NFATC1: variants seen among roughly 807,000 people sequenced by gnomAD.
The protein encoded by NFATC1 is nuclear factor of activated T cells 1, also known as nuclear factor of activated T-cells, cytoplasmic 1.
Under a neutral mutation model 76.0 loss-of-function variants are expected in NFATC1, and 22 were observed. The ratio of observed to expected loss-of-function variants is 0.29; its 90% confidence interval spans 0.21 to 0.41. NFATC1 has a LOEUF of 0.41. Among genes scored for constraint, NFATC1 ranks in the 10% least tolerant of loss-of-function variants. NFATC1 has a pLI of 1.00. For missense variants in NFATC1, 1,357 were observed against 1,337.7 expected (o/e 1.01, Z -0.23); for synonymous variants, 704 against 613.1 (o/e 1.15, Z -2.19).
At chr18:79,520,532 G>GT (rs200223868) in intron 9 of NFATC1, among the ~76,000 whole-genome samples, 3,752 of 142,016 alleles carry the variant, frequency 0.026, 88 homozygotes, top group Admixed American at 0.05. Context: ...CTCTGTGTGT[G>GT]GGGGGGGGAG....
At chr18:79,483,633 G>GGCGTGACCTGGTCCTGGGGTGTAATTCCA (rs1569018304) in intron 8 of NFATC1, among the ~76,000 whole-genome samples, 1 of 134,488 alleles carries the variant, frequency 7.4e-6, no homozygotes, top group Admixed American at 7.3e-5. Context: ...GCGTCACTCT[G>GGCGTGACCTGGTCCTGGGGTGTAATTCCA]GCGTGACCTG....
chr18:79,455,913 G>A (rs999333076), intron 6 of NFATC1, among the ~76,000 whole-genome samples: 3 of 152,198 alleles, frequency 2.0e-5, no homozygotes, highest in Non-Finnish European at 2.9e-5. Context: ...CCACACAGCA[G>A]CAGGCGGAGG....
Position 79,411,239 on chromosome 18 carries a change from G to C in NFATC1, c.964G>C (p.Asp322His). The stretch of plus-strand genomic sequence containing the variant: ...GGCCGCCATCAACGCGCTGACCACC[G>C]ACAGCAGCCTGGACCTGGGAGATGG... ...IVAAINALTT[D>H]SSLDLGDGVP... The change falls in exon 2 of 10, where the codon GAC (aspartate) becomes CAC (histidine). Residue 322 changes from aspartate to histidine, a missense_variant. By Grantham distance (81) the Asp-to-His change is moderately conservative. Transcript: ENST00000427363. The C allele has an allele frequency of 6.2e-7, 1 of 1,603,924 alleles. No individual in the cohort carries two copies. Among genetic ancestry groups the C allele is most frequent in the Middle Eastern group, 1.6e-4 (1 of 6,062 alleles).
intron 2 of NFATC1, among the ~76,000 whole-genome samples, chr18:79,412,560 G>A (rs1216907181): frequency 6.6e-6 from 1 of 152,186 alleles, no homozygotes; most frequent in Non-Finnish European, 1.5e-5. Context: ...AGGAAGGCAG[G>A]CAGTGAGGGT....
At chr18:79,408,255 G>C (rs1204835926) in intron 1 of NFATC1, among the ~76,000 whole-genome samples, 1 of 152,208 alleles carries the variant, frequency 6.6e-6, no homozygotes, top group Admixed American at 6.5e-5. Context: ...CTTGAATAAA[G>C]TATCTTCCAG....
chr18:79,503,219 G>A (rs1232009771), intron 9 of NFATC1, among the ~76,000 whole-genome samples: 1 of 152,214 alleles, frequency 6.6e-6, no homozygotes, highest in Non-Finnish European at 1.5e-5. Context: ...CGAGACCACA[G>A]ACTCAGTGGC....
Position 79,506,352 on chromosome 18 carries a change from C to T in NFATC1, c.2782+19415C>T, listed in dbSNP as rs1046539664. Among the ~76,000 whole-genome samples the T allele has an allele frequency of 3.9e-5, 6 of 152,262 alleles. No individual in the cohort carries two copies. In the South Asian group the frequency reaches 8.3e-4, roughly 21 times the overall value. On this transcript the variant is annotated intron_variant, in intron 9 of 9. Transcript: ENST00000427363. ...CCCCAGCAAAGACACTGGGACTGTG[C>T]GCCTTGTCCCCCCATCTTCCCACCT...
chr18:79,399,370 G>A (rs1383263778), intron 1 of NFATC1, among the ~76,000 whole-genome samples: 4 of 152,234 alleles, frequency 2.6e-5, no homozygotes, highest in African/African-American at 7.2e-5. Flanking sequence ...CAGAGGGAGC[G>A]CTCCGAGGAG....
At chr18:79,481,377 C>T (rs183732899) in intron 8 of NFATC1, among the ~76,000 whole-genome samples, 1 of 152,316 alleles carries the variant, frequency 6.6e-6, no homozygotes, top group African/African-American at 2.4e-5. Context: ...TCCTGCCACC[C>T]CTTCAAAAAA....
chr18:79,420,543 GA>G (rs1353872559), intron 2 of NFATC1, among the ~76,000 whole-genome samples: 2 of 151,978 alleles, frequency 1.3e-5, no homozygotes, highest in African/African-American at 4.8e-5. Context: ...CAAAGAGGAA[GA>G]GGGGGATGCG....
chr18:79,510,325 A>T (rs1013950397), intron 9 of NFATC1, among the ~76,000 whole-genome samples: 1 of 151,334 alleles, frequency 6.6e-6, no homozygotes, highest in South Asian at 2.1e-4. Flanking sequence ...CTTTAGGGCT[A>T]AAAAAAAACC....
At chr18:79,456,789 G>C (rs936414540) in intron 6 of NFATC1, among the ~76,000 whole-genome samples, 1 of 152,200 alleles carries the variant, frequency 6.6e-6, no homozygotes, top group Non-Finnish European at 1.5e-5. Context: ...ATGGACCCGG[G>C]GGATGGCTGC....
chr18:79,467,726 C>A, intron 8 of NFATC1, 144 bp downstream of exon 8: 1 of 1,294,596 alleles, frequency 7.7e-7, no homozygotes, highest in Non-Finnish European at 9.8e-7. Context: ...ACCGAGCCAT[C>A]GATGCCCTGA....
intron 9 of NFATC1, among the ~76,000 whole-genome samples, chr18:79,509,456 G>A (rs1167937862): frequency 6.6e-6 from 1 of 152,224 alleles, no homozygotes; most frequent in Non-Finnish European, 1.5e-5. Context: ...TGCAGAGGGC[G>A]TGGGAGGAGA....
At chr18:79,482,693 A>G (rs1276598379) in intron 8 of NFATC1, among the ~76,000 whole-genome samples, 87 of 73,120 alleles carry the variant, frequency 1.2e-3, no homozygotes, top group South Asian at 3.1e-3. Flanking sequence ...TAATTCCAGC[A>G]TGACCTGGTT....
At position 79,400,344 on chromosome 18, in the gene NFATC1, C is replaced by G. The variant is rs1375188110; in HGVS notation, c.127+3993C>G. 4 of 1,392,944 alleles carry G rather than the reference C, an allele frequency of 2.9e-6. No individual in the cohort carries two copies. In the South Asian group the frequency reaches 5.9e-5, roughly 20 times the overall value. The allele number at this position is 1,392,944 out of a possible 1,614,324, so 86.3% of individuals were successfully genotyped here. ...GGGCAGCGCCGGGAGAACCGAACCC[C>G]TGGCGGCCGCGACCCCGGCTCCCGC... On this transcript the variant is annotated intron_variant, in intron 1 of 9. Transcript: ENST00000427363.
intron 9 of NFATC1, among the ~76,000 whole-genome samples, chr18:79,494,903 C>T (rs1338898279): frequency 8.1e-6 from 1 of 123,266 alleles, no homozygotes; most frequent in African/African-American, 3.1e-5. Flanking sequence ...AACCTGGTAC[C>T]GCCGGGGGAA....
chr18:79,437,561 G>C (rs1267443155), intron 3 of NFATC1, among the ~76,000 whole-genome samples: 2 of 152,242 alleles, frequency 1.3e-5, no homozygotes, highest in Non-Finnish European at 2.9e-5. Context: ...CTTCTCACCA[G>C]CATTTCCAGT....
chr18:79,525,027 G>GTCCTCCCCAC lies in NFATC1; in HGVS notation c.2783-2501_2783-2500insTCCTCCCCAC, dbSNP rs2090721696. ...CACATCCCATCATTACTACCCCTCA[G>GTCCTCCCCAC]GCCTCCCCACGTCCCACCGTCGTTA... On this transcript the variant is annotated intron_variant, in intron 9 of 9. Transcript: ENST00000427363. 3.2e-5 allele frequency among the ~76,000 whole-genome samples: 4 copies of GTCCTCCCCAC among 124,068 alleles called. 1 individual carries two copies. The highest frequency in any genetic ancestry group is 1.2e-4 in the African/African-American group (4 of 32,010). The allele number at this position is 124,068 out of a possible 152,430, so 81.4% of individuals were successfully genotyped here.
Sources: allele counts gnomAD v4.1 joint callset (sites outside exome capture counted in the v4.1 genomes callset), GRCh38; gene constraint gnomAD v4.1.1; transcripts MANE v1.5; gene names NCBI Gene and HGNC (gene_info 2026-07-23, HGNC 2026-07-21).